Variants in CEACAM6 observed in about 807,000 individuals in gnomAD.
CEACAM6 encodes CEA cell adhesion molecule 6, also known as cell adhesion molecule CEACAM6.
Under a neutral mutation model 32.4 loss-of-function variants are expected in CEACAM6, and 21 were observed. The observed-to-expected ratio is 0.65, with a 90% CI of 0.46 to 0.93. The LOEUF is 0.93. Ranked by LOEUF, CEACAM6 falls within the 40% of genes least tolerant of loss-of-function variation. CEACAM6 has a pLI of 0.00. For synonymous variants in CEACAM6, 184 were observed against 174.4 expected, an observed-to-expected ratio of 1.06 and a Z score of -0.43; for missense variants, 406 against 432.2, an observed-to-expected ratio of 0.94 and a Z score of 0.54.
intron 4 of CEACAM6, among the ~76,000 whole-genome samples, chr19:41,763,792 G>A (rs1481081704): frequency 2.6e-5 from 4 of 152,164 alleles, no homozygotes; most frequent in Non-Finnish European, 5.9e-5. Flanking sequence ...TCTGCACAGC[G>A]GAGCTGCCCA....
intron 4 of CEACAM6, among the ~76,000 whole-genome samples, chr19:41,763,555 A>G (rs957862037): frequency 6.6e-6 from 1 of 152,174 alleles, no homozygotes; most frequent in Non-Finnish European, 1.5e-5. Context: ...CCAAGACTCA[A>G]TGCTTCTGCC....
rs148656824 is a variant in CEACAM6 at position 41,756,666 on chromosome 19, A to G, written c.131A>G (p.Asn44Ser). 1.0e-4 allele frequency: 162 copies of G among 1,613,974 alleles called. No individual in the cohort carries two copies. The highest frequency in any genetic ancestry group is 4.1e-4 in the African/African-American group (31 of 74,866). ...AKLTIESTPF[N>S]VAEGKEVLLL... ...CTCACTATTGAATCCACGCCGTTCA[A>G]TGTCGCAGAGGGGAAGGAGGTTCTT... is the stretch of plus-strand genomic sequence containing the variant. Residue 44 changes from asparagine to serine, a missense_variant, in exon 2 of 6, where the codon AAT (asparagine) becomes AGT (serine). Asn to Ser is a conservative substitution (Grantham distance 46). Coordinates refer to ENST00000199764, the MANE Select transcript of CEACAM6 (RefSeq NM_002483.7).
intron 5 of CEACAM6, among the ~76,000 whole-genome samples, chr19:41,769,946 G>T (rs1247537480): frequency 6.6e-6 from 1 of 150,512 alleles, no homozygotes; most frequent in African/African-American, 2.4e-5. Context: ...GAAAACACTG[G>T]TTATATTACC....
chr19:41,758,857 G>C (rs1555821495), intron 2 of CEACAM6, among the ~76,000 whole-genome samples: 1 of 152,172 alleles, frequency 6.6e-6, no homozygotes, highest in African/African-American at 2.4e-5. Context: ...AAATCAGCCG[G>C]AGCAGCCGCC....
At chr19:41,767,103 C>G (rs965009154) in intron 5 of CEACAM6, among the ~76,000 whole-genome samples, 6 of 152,022 alleles carry the variant, frequency 3.9e-5, no homozygotes, top group Non-Finnish European at 7.4e-5. Flanking sequence ...ACTTTCTTTC[C>G]CTCTACTTCC....
chr19:41,761,611 G>T (rs1166144719), intron 3 of CEACAM6, 84 bp downstream of exon 3: 2 of 1,578,464 alleles, frequency 1.3e-6, no homozygotes, highest in Non-Finnish European at 1.7e-6. Flanking sequence ...TCCCTCTCAG[G>T]TCTAAGGACT....
At chr19:41,760,376 G>C (rs782139955) in intron 2 of CEACAM6, among the ~76,000 whole-genome samples, 18 of 152,248 alleles carry the variant, frequency 1.2e-4, no homozygotes, top group Non-Finnish European at 2.5e-4. Flanking sequence ...TGGTCCTTGA[G>C]AGTCAGATTT....
chr19:41,766,188 G>T lies in CEACAM6; in HGVS notation c.964G>T (p.Ala322Ser). 6.2e-7 allele frequency: 1 copy of T among 1,604,864 alleles called. No homozygotes were observed. The highest frequency in any genetic ancestry group is 1.7e-5 in the Admixed American group (1 of 58,476). ...TVTMITVSGS[A>S]PVLSAVATVG... ...TTCTCTCTTCTTCCCACAAGGAAGT[G>T]CTCCTGTCCTCTCAGCTGTGGCCAC... The change falls in exon 5 of 6, where the codon GCT (alanine) becomes TCT (serine). Residue 322 changes from alanine to serine, a missense_variant. Coordinates refer to ENST00000199764, the MANE Select transcript of CEACAM6 (RefSeq NM_002483.7).
At chr19:41,756,226 C>T (rs1324775811) in intron 1 of CEACAM6, among the ~76,000 whole-genome samples, 1 of 152,000 alleles carries the variant, frequency 6.6e-6, no homozygotes, top group South Asian at 2.1e-4. Context: ...TTGACAAGAG[C>T]CCTGGAAGGA....
chr19:41,771,180 T>TA lies in CEACAM6; in HGVS notation c.*421dup, dbSNP rs1450634817. 6.6e-6 allele frequency: 1 copy of TA among 152,230 alleles called. No homozygotes were observed. Among genetic ancestry groups the TA allele is most frequent in the African/African-American group, 2.4e-5 (1 of 41,462 alleles). The allele number at this position is 152,230 out of a possible 1,614,324, so 9.4% of individuals were successfully genotyped here. Reference sequence around the variant, plus strand: ...TTTCACAAGAAGTAGCTTCAGAGGGTAACTTAACAGAGTGTCAGATCTATC... The same window carrying TA: ...TTTCACAAGAAGTAGCTTCAGAGGGTAAACTTAACAGAGTGTCAGATCTATC... On this transcript the variant is annotated 3_prime_UTR_variant, in exon 6 of 6. Transcript: ENST00000199764.
intron 4 of CEACAM6, among the ~76,000 whole-genome samples, chr19:41,765,591 C>G (rs190404589): frequency 2.0e-5 from 3 of 152,340 alleles, no homozygotes; most frequent in African/African-American, 7.2e-5. Flanking sequence ...ATGCAGATCT[C>G]ATTCCTGAGA....
In CEACAM6 at chr19:41,762,149, G is replaced by A. The variant is rs782338393; in HGVS notation, c.884G>A (p.Gly295Glu). Residue 295 changes from glycine to glutamate, a missense_variant, in exon 4 of 6, where the codon GGA (glycine) becomes GAA (glutamate). Coordinates refer to ENST00000199764, the MANE Select transcript of CEACAM6 (RefSeq NM_002483.7). ...FIPNITVNNS[G>E]SYMCQAHNSA... ...CCCAACATCACTGTGAATAATAGCG[G>A]ATCCTATATGTGCCAAGCCCATAAC... 6.2e-7 allele frequency: 1 copy of A among 1,614,112 alleles called. No homozygotes were observed. Among genetic ancestry groups the A allele is most frequent in the Non-Finnish European group, 8.5e-7 (1 of 1,180,018 alleles).
At position 41,766,189 on chromosome 19, in the gene CEACAM6, C is replaced by T. The variant is rs1555822375; in HGVS notation, c.965C>T (p.Ala322Val). 2.5e-6 allele frequency: 4 copies of T among 1,606,510 alleles called. No homozygotes were observed. Among genetic ancestry groups the T allele is most frequent in the Admixed American group, 1.7e-5 (1 of 58,788 alleles). ...TCTCTCTTCTTCCCACAAGGAAGTG[C>T]TCCTGTCCTCTCAGCTGTGGCCACC... ...TVTMITVSGS[A>V]PVLSAVATVG... The change falls in exon 5 of 6, where the codon GCT becomes GTT. Residue 322 changes from alanine to valine, a missense_variant. Transcript: ENST00000199764.
chr19:41,770,255 C>CAAAAAAAAAAA (rs1158293587), intron 5 of CEACAM6, among the ~76,000 whole-genome samples: 14 of 40,448 alleles, frequency 3.5e-4, no homozygotes, highest in African/African-American at 9.6e-4. Flanking sequence ...GCTAAAAATA[C>CAAAAAAAAAAA]AAAAAAAAAA....
intron 2 of CEACAM6, among the ~76,000 whole-genome samples, 197 bp downstream of exon 2, chr19:41,757,156 G>A (rs1555821252): frequency 6.6e-6 from 1 of 152,108 alleles, no homozygotes; most frequent in Non-Finnish European, 1.5e-5. Context: ...AGACCCTGCA[G>A]ACACTCGCTG....
Position 41,761,321 on chromosome 19 carries a change from C to T in CEACAM6, c.497C>T (p.Thr166Ile), listed in dbSNP as rs1555821825. ...PVEDKDAVAF[T>I]CEPEVQNTTY... ...GAGGACAAGGATGCTGTGGCCTTCA[C>T]CTGTGAACCTGAGGTTCAGAACACA... Residue 166 changes from threonine (T) to isoleucine (I), a missense_variant, in exon 3 of 6, where the codon ACC becomes ATC. Thr to Ile is a moderately conservative substitution (Grantham distance 89). Coordinates refer to ENST00000199764, the MANE Select transcript of CEACAM6 (RefSeq NM_002483.7). The T allele has an allele frequency of 6.2e-7, 1 of 1,614,192 alleles. No homozygotes were observed. The highest frequency in any genetic ancestry group is 1.1e-5 in the South Asian group (1 of 91,068).
chr19:41,769,625 A>C (rs2072979921), intron 5 of CEACAM6, among the ~76,000 whole-genome samples: 1 of 151,816 alleles, frequency 6.6e-6, no homozygotes, highest in South Asian at 2.1e-4. Flanking sequence ...AAATTGAAAC[A>C]TCTATATTTT....
chr19:41,760,566 C>A (rs1208811216), intron 2 of CEACAM6, among the ~76,000 whole-genome samples: 1 of 152,236 alleles, frequency 6.6e-6, no homozygotes, highest in African/African-American at 2.4e-5. Context: ...GCCTGTCCCC[C>A]TCACTGTCTT....
intron 5 of CEACAM6, among the ~76,000 whole-genome samples, chr19:41,770,567 G>C (rs1555822895): frequency 6.7e-6 from 1 of 150,152 alleles, no homozygotes; most frequent in South Asian, 2.1e-4. Flanking sequence ...TGTCTCAAAA[G>C]GAAAAAAAAA....
Sources: allele counts gnomAD v4.1 joint callset (sites outside exome capture counted in the v4.1 genomes callset), GRCh38; gene constraint gnomAD v4.1.1; transcripts MANE v1.5; gene names NCBI Gene and HGNC (gene_info 2026-07-23, HGNC 2026-07-21).